The following STPG2 variants were observed in gnomAD, a reference collection of about 807,000 sequenced individuals.
The protein encoded by STPG2 is sperm tail PG-rich repeat containing 2, also known as sperm-tail PG-rich repeat-containing protein 2.
STPG2 carries 56 observed loss-of-function variants against 54.2 expected under a neutral mutation model. That is an observed-to-expected ratio of 1.03 (90% confidence interval 0.83 to 1.29). The LOEUF (loss-of-function observed/expected upper bound fraction) is 1.29. Ranked by LOEUF, STPG2 falls within the 50% of genes most tolerant of loss-of-function variation. The pLI, the probability that STPG2 is intolerant of heterozygous loss-of-function variation, is 0.00. For missense variants in STPG2, 596 were observed against 544.9 expected (o/e 1.09, Z -0.93); for synonymous variants, 200 against 181.8 (o/e 1.10, Z -0.81).
chr4:97,828,965 T>C (rs1158345611), intron 9 of STPG2, among the ~76,000 whole-genome samples: 1 of 152,042 alleles, frequency 6.6e-6, no homozygotes, highest in Non-Finnish European at 1.5e-5. Flanking sequence ...GACTTAAACA[T>C]CCCTGCCTGA....
chr4:97,955,128 GA>G (rs1249076053), intron 7 of STPG2, among the ~76,000 whole-genome samples: 3 of 150,606 alleles, frequency 2.0e-5, no homozygotes, highest in Non-Finnish European at 3.0e-5. Flanking sequence ...TGAAATAGAT[GA>G]AAAAAAGTAG....
At chr4:97,967,924 A>G (rs999772756) in intron 7 of STPG2, among the ~76,000 whole-genome samples, 2 of 152,230 alleles carry the variant, frequency 1.3e-5, no homozygotes, top group African/African-American at 4.8e-5. Context: ...TCTAAAATCA[A>G]CACCCTAACA....
rs1732150034 is a variant in STPG2 at position 97,558,986 on chromosome 4, T to G, written c.*72A>C. ...TTATTACTCCTATATTTGGAATAAA[T>G]TTTGTTAAAATGACAAAGAAATAAA... is the stretch of plus-strand genomic sequence containing the variant. On this transcript the variant is annotated 3_prime_UTR_variant, in exon 11 of 11. Coordinates refer to ENST00000295268, the MANE Select transcript of STPG2 (RefSeq NM_174952.3). 7.8e-7 allele frequency: 1 copy of G among 1,275,808 alleles called. No individual in the cohort carries two copies. Among genetic ancestry groups the G allele is most frequent in the Non-Finnish European group, 1.1e-6 (1 of 894,636 alleles). The allele number at this position is 1,275,808 out of a possible 1,614,324, so 79.0% of individuals were successfully genotyped here.
At chr4:97,984,299 A>C (rs1229986657) in intron 5 of STPG2, among the ~76,000 whole-genome samples, 2 of 152,052 alleles carry the variant, frequency 1.3e-5, no homozygotes, top group Non-Finnish European at 2.9e-5. Context: ...CACATGCCAC[A>C]ATGCCCAGCT....
At chr4:97,663,360 A>G (rs1324406190) in intron 10 of STPG2, among the ~76,000 whole-genome samples, 1 of 152,198 alleles carries the variant, frequency 6.6e-6, no homozygotes, top group Non-Finnish European at 1.5e-5. Flanking sequence ...AAAAACAAAT[A>G]ATTACAGATA....
rs183691225 is a variant in STPG2 at position 97,487,864 on chromosome 4, T to A, written c.462+224835A>T. On this transcript the variant is annotated intron_variant, in intron 4 of 4. Transcript: ENST00000522676. The stretch of plus-strand genomic sequence containing the variant: ...AAAATGCACCAATTTATAGGAAAGT[T>A]TTTTGTTTATTAGTAAAAGGTCATA... Among the ~76,000 whole-genome samples the A allele has an allele frequency of 1.8e-3, 272 of 151,664 alleles. 1 individual carries two copies. The highest frequency in any genetic ancestry group is 6.3e-3 in the African/African-American group (260 of 41,484).
At chr4:97,750,658 C>G (rs1725557118) in intron 9 of STPG2, among the ~76,000 whole-genome samples, 1 of 151,634 alleles carries the variant, frequency 6.6e-6, no homozygotes, top group Non-Finnish European at 1.5e-5. Flanking sequence ...ATGTAAATGA[C>G]TGCTAGGAAC....
At chr4:97,528,640 G>A (rs1180808134) in intron 4 of STPG2, among the ~76,000 whole-genome samples, 1 of 152,128 alleles carries the variant, frequency 6.6e-6, no homozygotes, top group African/African-American at 2.4e-5. Context: ...AGCATGGAAT[G>A]TTTTGCCATT....
At chr4:98,048,607 CT>C in intron 5 of STPG2, 1 of 170,630 alleles carries the variant, frequency 5.9e-6, no homozygotes, top group Non-Finnish European at 1.3e-5. Flanking sequence ...CAGGCCAGCC[CT>C]GCGGAGGAGA....
chr4:97,916,592 A>C (rs1277405368), intron 8 of STPG2: 1 of 152,904 alleles, frequency 6.5e-6, no homozygotes, highest in East Asian at 1.9e-4. Flanking sequence ...GCTGGCACCG[A>C]AACAATGCTC....
intron 10 of STPG2, among the ~76,000 whole-genome samples, chr4:97,679,711 T>C (rs2148977547): frequency 6.6e-6 from 1 of 152,314 alleles, no homozygotes; most frequent in African/African-American, 2.4e-5. Context: ...CATGCCTATG[T>C]CCTGATTGGT....
intron 9 of STPG2, among the ~76,000 whole-genome samples, chr4:97,838,889 A>T (rs1467754281): frequency 6.6e-6 from 1 of 151,580 alleles, no homozygotes; most frequent in African/African-American, 2.4e-5. Context: ...ATAGAGGCAC[A>T]TGGGGTTTCT....
intron 8 of STPG2, among the ~76,000 whole-genome samples, chr4:97,858,391 T>C (rs1188231326): frequency 1.3e-5 from 2 of 152,154 alleles, no homozygotes; most frequent in Non-Finnish European, 2.9e-5. Context: ...AAGAGTAGCA[T>C]GACATATTAT....
At chr4:97,896,028 C>A (rs549510962) in intron 8 of STPG2, among the ~76,000 whole-genome samples, 4 of 151,922 alleles carry the variant, frequency 2.6e-5, no homozygotes, top group African/African-American at 9.6e-5. Context: ...TTCCATTTTT[C>A]TCTGAGTCTG....
At chr4:97,842,922 G>A (rs554683307) in intron 8 of STPG2, among the ~76,000 whole-genome samples, 9 of 151,906 alleles carry the variant, frequency 5.9e-5, no homozygotes, top group African/African-American at 2.2e-4. Flanking sequence ...ATCTGACCAA[G>A]AGATTAACAT....
intron 5 of STPG2, among the ~76,000 whole-genome samples, chr4:98,036,701 C>T (rs552665022): frequency 6.5e-4 from 99 of 151,506 alleles, no homozygotes; most frequent in Non-Finnish European, 1.0e-3. Flanking sequence ...AAATAACTAA[C>T]GGGTACCAGG....
chr4:98,107,856 G>A (rs1359034781), intron 4 of STPG2, among the ~76,000 whole-genome samples: 1 of 151,936 alleles, frequency 6.6e-6, no homozygotes, highest in African/African-American at 2.4e-5. Context: ...AAGAACAAAA[G>A]CATATGTCAA....
At chr4:97,943,794 G>T in intron 8 of STPG2, 103 bp downstream of exon 8, 3 of 797,094 alleles carry the variant, frequency 3.8e-6, no homozygotes, top group Non-Finnish European at 5.8e-6. Context: ...GTTACAGCAC[G>T]CTACCAGTTA....
At chr4:97,510,131 T>C (rs539570698) in intron 4 of STPG2, among the ~76,000 whole-genome samples, 2 of 152,192 alleles carry the variant, frequency 1.3e-5, no homozygotes, top group African/African-American at 4.8e-5. Context: ...TTTGAAATTA[T>C]CTACACACTA....
Sources: allele counts gnomAD v4.1 joint callset (sites outside exome capture counted in the v4.1 genomes callset), GRCh38; gene constraint gnomAD v4.1.1; transcripts MANE v1.5; gene names NCBI Gene and HGNC (gene_info 2026-07-23, HGNC 2026-07-21).